EFNA5: variants seen among roughly 807,000 people sequenced by gnomAD.
EFNA5 encodes ephrin A5.
A neutral mutation model predicts 22.9 loss-of-function variants in EFNA5; 5 were observed. The observed-to-expected ratio is 0.22, with a 90% CI of 0.11 to 0.46. The LOEUF is 0.46. Among genes scored for constraint, EFNA5 ranks in the 20% least tolerant of loss-of-function variants. The probability of loss-of-function intolerance (pLI) is 0.99; values close to 1 mark genes in which losing one functional copy is unlikely to be tolerated. For missense variants in EFNA5, 237 were observed against 293.3 expected (o/e 0.81, Z 1.40); for synonymous variants, 113 against 112.2 (o/e 1.01, Z -0.04).
chr5:107,583,059 A>G (rs1195196949), intron 1 of EFNA5, among the ~76,000 whole-genome samples: 2 of 152,206 alleles, frequency 1.3e-5, no homozygotes. Flanking sequence ...TGTATACAAC[A>G]TTTATATATA....
At chr5:107,477,412 G>T (rs567540982) in intron 1 of EFNA5, among the ~76,000 whole-genome samples, 2 of 152,064 alleles carry the variant, frequency 1.3e-5, no homozygotes, top group Admixed American at 1.3e-4. Context: ...AACCAAAGTC[G>T]CATATGTGAT....
intron 1 of EFNA5, among the ~76,000 whole-genome samples, chr5:107,633,394 C>T (rs976263191): frequency 6.6e-6 from 1 of 152,196 alleles, no homozygotes; most frequent in African/African-American, 2.4e-5. Flanking sequence ...AGTCTCCTGA[C>T]AAGATGCCAA....
At chr5:107,587,218 C>T (rs1749207222) in intron 1 of EFNA5, among the ~76,000 whole-genome samples, 1 of 152,118 alleles carries the variant, frequency 6.6e-6, no homozygotes, top group Admixed American at 6.5e-5. Flanking sequence ...ACGAATCATG[C>T]CATTTCTCTT....
chr5:107,437,002 T>C (rs1412020830), intron 1 of EFNA5, among the ~76,000 whole-genome samples: 1 of 152,238 alleles, frequency 6.6e-6, no homozygotes, highest in Non-Finnish European at 1.5e-5. Flanking sequence ...AGTGATTTAA[T>C]AGTTCTTAAG....
chr5:107,620,782 A>G (rs1202585806), intron 1 of EFNA5, among the ~76,000 whole-genome samples: 1 of 152,224 alleles, frequency 6.6e-6, no homozygotes. Flanking sequence ...GGAAAAAAAT[A>G]CAGGCAAATA....
chr5:107,658,670 C>T (rs1284075348), intron 1 of EFNA5, among the ~76,000 whole-genome samples: 3 of 152,176 alleles, frequency 2.0e-5, no homozygotes, highest in Non-Finnish European at 4.4e-5. Flanking sequence ...CTCTCTCCCA[C>T]TTAATTTTAT....
chr5:107,602,068 G>C (rs1210680896), intron 1 of EFNA5, among the ~76,000 whole-genome samples: 1 of 152,162 alleles, frequency 6.6e-6, no homozygotes, highest in Non-Finnish European at 1.5e-5. Context: ...TCTCGGGAAA[G>C]AGACGTGAGC....
intron 1 of EFNA5, among the ~76,000 whole-genome samples, chr5:107,562,400 A>C (rs754423257): frequency 1.3e-5 from 2 of 151,950 alleles, no homozygotes; most frequent in Non-Finnish European, 2.9e-5. Context: ...GTCATTTTTA[A>C]GCTTATATTT....
intron 1 of EFNA5, among the ~76,000 whole-genome samples, chr5:107,469,495 A>G (rs1010064217): frequency 3.3e-5 from 5 of 152,152 alleles, no homozygotes; most frequent in African/African-American, 1.2e-4. Context: ...CAGGCAGTTC[A>G]GTATATTGTA....
intron 1 of EFNA5, among the ~76,000 whole-genome samples, chr5:107,440,279 G>A (rs1163371094): frequency 6.6e-6 from 1 of 152,166 alleles, no homozygotes; most frequent in Non-Finnish European, 1.5e-5. Context: ...GGATTCTCAA[G>A]TACTACAATA....
At chr5:107,416,482 T>C (rs1748508550) in intron 2 of EFNA5, among the ~76,000 whole-genome samples, 1 of 152,100 alleles carries the variant, frequency 6.6e-6, no homozygotes, top group South Asian at 2.1e-4. Flanking sequence ...ATCTATATGA[T>C]AGATAATGAT....
At chr5:107,398,975 T>G (rs925599264) in intron 2 of EFNA5, among the ~76,000 whole-genome samples, 3 of 151,398 alleles carry the variant, frequency 2.0e-5, no homozygotes, top group African/African-American at 7.3e-5. Context: ...GTCAAAGAAA[T>G]TAAGAAAACA....
At chr5:107,536,802 A>T (rs553951719) in intron 1 of EFNA5, among the ~76,000 whole-genome samples, 17 of 152,322 alleles carry the variant, frequency 1.1e-4, no homozygotes, top group African/African-American at 4.1e-4. Context: ...CTTATACTCA[A>T]TAGGATAAGA....
At chr5:107,569,535 A>ATATATGTGTATATATATT in intron 1 of EFNA5, among the ~76,000 whole-genome samples, 1 of 131,312 alleles carries the variant, frequency 7.6e-6, no homozygotes, top group South Asian at 2.3e-4. Context: ...ATATATTTAT[A>ATATATGTGTATATATATT]TATATATGTG....
chr5:107,448,531 G>A (rs568315037), intron 1 of EFNA5, among the ~76,000 whole-genome samples: 2 of 152,060 alleles, frequency 1.3e-5, no homozygotes, highest in South Asian at 2.1e-4. Flanking sequence ...ACATCGGAAG[G>A]TTAAAAATAA....
At chr5:107,479,390 C>G (rs1750392494) in intron 1 of EFNA5, among the ~76,000 whole-genome samples, 1 of 152,010 alleles carries the variant, frequency 6.6e-6, no homozygotes, top group African/African-American at 2.4e-5. Flanking sequence ...CCAGGCTACC[C>G]TTGATTTTTC....
At chr5:107,656,440 T>C (rs1750827060) in intron 1 of EFNA5, among the ~76,000 whole-genome samples, 1 of 152,112 alleles carries the variant, frequency 6.6e-6, no homozygotes, top group African/African-American at 2.4e-5. Context: ...AGGAACAACA[T>C]ATATTACAAA....
intron 1 of EFNA5, among the ~76,000 whole-genome samples, chr5:107,484,523 C>G (rs752706998): frequency 1.3e-5 from 2 of 152,182 alleles, no homozygotes; most frequent in African/African-American, 4.8e-5. Flanking sequence ...CAGAGTGGTA[C>G]CAGATGGTCT....
chr5:107,480,755 C>T (rs1249981854), intron 1 of EFNA5, among the ~76,000 whole-genome samples: 2 of 152,130 alleles, frequency 1.3e-5, no homozygotes, highest in Non-Finnish European at 2.9e-5. Flanking sequence ...AGTCAGCGGT[C>T]CCAGAAAGAC....
Sources: allele counts gnomAD v4.1 joint callset (sites outside exome capture counted in the v4.1 genomes callset), GRCh38; gene constraint gnomAD v4.1.1; transcripts MANE v1.5; gene names NCBI Gene and HGNC (gene_info 2026-07-23, HGNC 2026-07-21).